Variants in GPC5 observed in about 807,000 individuals in gnomAD.
The protein encoded by GPC5 is glypican 5.
In GPC5, 47 loss-of-function variants were observed where a neutral mutation model predicts 53.9. The ratio of observed to expected loss-of-function variants is 0.87; its 90% confidence interval spans 0.69 to 1.11. The LOEUF is 1.11. Among genes scored for constraint, GPC5 ranks in the 50% most tolerant of loss-of-function variants. The pLI, the probability that GPC5 is intolerant of heterozygous loss-of-function variation, is 0.00. For missense variants in GPC5, 748 were observed against 713.1 expected (o/e 1.05, Z -0.56); for synonymous variants, 286 against 263.3 (o/e 1.09, Z -0.84).
At chr13:92,675,979 C>T (rs1566358346) in intron 7 of GPC5, among the ~76,000 whole-genome samples, 1 of 152,092 alleles carries the variant, frequency 6.6e-6, no homozygotes, top group African/African-American at 2.4e-5. Context: ...ATCCTCCCAT[C>T]GAAATATTGT....
At chr13:92,762,419 G>T (rs1248416480) in intron 7 of GPC5, among the ~76,000 whole-genome samples, 1 of 152,012 alleles carries the variant, frequency 6.6e-6, no homozygotes, top group African/African-American at 2.4e-5. Context: ...AAATGGTAAA[G>T]AAAAAGGAAT....
intron 5 of GPC5, among the ~76,000 whole-genome samples, chr13:91,801,143 C>G (rs2138775817): frequency 6.6e-6 from 1 of 152,032 alleles, no homozygotes; most frequent in South Asian, 2.1e-4. Flanking sequence ...AATATCAAAG[C>G]CATTAACAGT....
At chr13:92,710,283 A>G (rs764100459) in intron 7 of GPC5, among the ~76,000 whole-genome samples, 1 of 151,992 alleles carries the variant, frequency 6.6e-6, no homozygotes, top group Non-Finnish European at 1.5e-5. Context: ...TACTAATTCA[A>G]AAGAAGACAA....
intron 7 of GPC5, among the ~76,000 whole-genome samples, chr13:92,702,400 C>A (rs1305851301): frequency 6.6e-6 from 1 of 152,078 alleles, no homozygotes; most frequent in Non-Finnish European, 1.5e-5. Context: ...CTTTTCTTCT[C>A]CTCTTGCCCC....
rs999948083 is a variant in GPC5, at chr13:91,608,601, G to C, written c.326-84586G>C. On this transcript the variant is annotated intron_variant, in intron 2 of 7. Coordinates refer to ENST00000377067, the MANE Select transcript of GPC5 (RefSeq NM_004466.6). Reference sequence around the variant, plus strand: ...AGATAGGCATGTTATGTAGGGGCTGGGCCTAATTTCAGAGGGAGCTGAAAT... The same window carrying C: ...AGATAGGCATGTTATGTAGGGGCTGCGCCTAATTTCAGAGGGAGCTGAAAT... Among the ~76,000 whole-genome samples, 5 of 152,176 alleles carry C rather than the reference G, an allele frequency of 3.3e-5. No homozygotes were observed. In the East Asian group the frequency reaches 9.7e-4, roughly 29 times the overall value.
intron 7 of GPC5, among the ~76,000 whole-genome samples, chr13:92,170,856 C>A (rs2139021332): frequency 6.6e-6 from 1 of 152,170 alleles, no homozygotes; most frequent in East Asian, 1.9e-4. Flanking sequence ...TTGTTTTTCT[C>A]CATTTTCCTT....
intron 1 of GPC5, among the ~76,000 whole-genome samples, chr13:91,419,197 C>T (rs538529053): frequency 6.6e-6 from 1 of 151,980 alleles, no homozygotes; most frequent in Non-Finnish European, 1.5e-5. Context: ...TTAGCTATAG[C>T]TTTCTATTTT....
intron 1 of GPC5, among the ~76,000 whole-genome samples, chr13:91,430,040 A>G (rs1468730229): frequency 6.6e-6 from 1 of 152,222 alleles, no homozygotes; most frequent in East Asian, 1.9e-4. Flanking sequence ...CCAAAATGCT[A>G]CAACAGAGAC....
At chr13:91,579,487 C>A (rs1227166264) in intron 2 of GPC5, among the ~76,000 whole-genome samples, 2 of 152,168 alleles carry the variant, frequency 1.3e-5, no homozygotes, top group African/African-American at 4.8e-5. Context: ...ACCACTTTAT[C>A]CTCAGCTCTG....
At chr13:92,271,031 G>T (rs765666435) in intron 7 of GPC5, among the ~76,000 whole-genome samples, 8 of 152,186 alleles carry the variant, frequency 5.3e-5, no homozygotes, top group Non-Finnish European at 1.0e-4. Context: ...GCTCTATGAG[G>T]TCTACTGGGA....
At chr13:92,616,962 CAT>C (rs1566322795) in intron 7 of GPC5, among the ~76,000 whole-genome samples, 1 of 152,020 alleles carries the variant, frequency 6.6e-6, no homozygotes, top group African/African-American at 2.4e-5. Flanking sequence ...GAATATAATA[CAT>C]ACATATAAAC....
intron 2 of GPC5, among the ~76,000 whole-genome samples, chr13:91,615,469 T>G (rs1566554881): frequency 6.6e-6 from 1 of 152,160 alleles, no homozygotes; most frequent in Non-Finnish European, 1.5e-5. Flanking sequence ...AGACTAAAAA[T>G]GCAGGCTTTA....
chr13:92,231,267 A>G (rs1192382318), intron 7 of GPC5, among the ~76,000 whole-genome samples: 1 of 152,210 alleles, frequency 6.6e-6, no homozygotes, highest in African/African-American at 2.4e-5. Context: ...ACTCAAGACA[A>G]TCATCATGGA....
In GPC5 at chr13:92,388,078, A is replaced by G. The variant is rs35450072; in HGVS notation, c.1561+243089A>G. Among the ~76,000 whole-genome samples, 1,422 of 152,122 alleles carry G rather than the reference A, an allele frequency of 9.3e-3. 24 individuals are homozygous for G. Among genetic ancestry groups the G allele is most frequent in the Middle Eastern group, 0.051 (15 of 294 alleles). On this transcript the variant is annotated intron_variant, in intron 7 of 7. Coordinates refer to ENST00000377067, the MANE Select transcript of GPC5 (RefSeq NM_004466.6). ...AACCTTATTTATACTTTTCCTCTTAAAGTATATCCTTTTCTTAAGTTAGAA... is the reference window on the plus strand; with the variant it reads ...AACCTTATTTATACTTTTCCTCTTAGAGTATATCCTTTTCTTAAGTTAGAA...
chr13:92,621,398 G>C (rs1325315103), intron 7 of GPC5, among the ~76,000 whole-genome samples: 2 of 152,066 alleles, frequency 1.3e-5, no homozygotes, highest in African/African-American at 4.8e-5. Flanking sequence ...TCATCTCCTT[G>C]GGTAAAATTC....
chr13:92,739,719 G>GA (rs141615200), intron 7 of GPC5, among the ~76,000 whole-genome samples: 14 of 126,244 alleles, frequency 1.1e-4, no homozygotes, highest in Admixed American at 3.4e-4. Context: ...AAAAAAAAAA[G>GA]AAAAAAAAAG....
At chr13:92,468,339 G>A (rs61973632) in intron 7 of GPC5, among the ~76,000 whole-genome samples, 10,446 of 152,180 alleles carry the variant, frequency 0.069, 473 homozygotes, top group African/African-American at 0.12. Flanking sequence ...TGGGAATAGA[G>A]AAAAGGTCTG....
intron 2 of GPC5, among the ~76,000 whole-genome samples, chr13:91,484,944 G>A (rs925763789): frequency 6.6e-6 from 1 of 152,204 alleles, no homozygotes; most frequent in Admixed American, 6.5e-5. Flanking sequence ...AGTGAACATT[G>A]CTGTATTCTA....
chr13:92,761,511 T>C (rs1875174272), intron 7 of GPC5, among the ~76,000 whole-genome samples: 1 of 152,202 alleles, frequency 6.6e-6, no homozygotes, highest in Non-Finnish European at 1.5e-5. Flanking sequence ...ATTCAAAGTC[T>C]ATTTTATTTG....
Sources: allele counts gnomAD v4.1 joint callset (sites outside exome capture counted in the v4.1 genomes callset), GRCh38; gene constraint gnomAD v4.1.1; transcripts MANE v1.5; gene names NCBI Gene and HGNC (gene_info 2026-07-23, HGNC 2026-07-21).